BCAP31: variants seen among roughly 807,000 people sequenced by gnomAD.
The protein encoded by BCAP31 is B-cell receptor-associated protein 31.
For missense variants in BCAP31, 124 were observed against 193.0 expected (o/e 0.64, Z 2.12); for synonymous variants, 75 against 80.9 (o/e 0.93, Z 0.39).
intron 4 of BCAP31, among the ~76,000 whole-genome samples, chrX:153,709,090 T>TG (rs1324101797): frequency 8.9e-6 from 1 of 112,004 alleles, no homozygotes; most frequent in Admixed American, 9.4e-5. Context: ...GCTGGGTTTC[T>TG]GGGGTTTTGC....
chrX:153,711,151 T>C (rs73633765), intron 4 of BCAP31, among the ~76,000 whole-genome samples: 7,543 of 71,749 alleles, frequency 0.11, 634 homozygotes, highest in African/African-American at 0.34. Context: ...CAGAGCTCCC[T>C]TTCCAGCAGG....
chrX:153,723,669 C>T (rs1206928050), intron 1 of BCAP31: 7 of 1,157,426 alleles, frequency 6.0e-6, no homozygotes, highest in Non-Finnish European at 8.1e-6. Flanking sequence ...ACCCATCGGG[C>T]GCTCCCTTCC....
intron 4 of BCAP31, among the ~76,000 whole-genome samples, chrX:153,707,486 A>C (rs1267879004): frequency 9.0e-6 from 1 of 111,316 alleles, no homozygotes; most frequent in Admixed American, 9.5e-5. Context: ...GCTGCACGTA[A>C]GGCTGGACAG....
chrX:153,718,317 C>CAAAA (rs60097594), intron 3 of BCAP31, among the ~76,000 whole-genome samples: 5 of 30,486 alleles, frequency 1.6e-4, no homozygotes, highest in African/African-American at 3.1e-4. Context: ...GATTCCATCT[C>CAAAA]AAAAAAAAAA....
chrX:153,723,457 T>C, intron 1 of BCAP31, 169 bp from the exon 2 acceptor site: 1 of 1,139,955 alleles, frequency 8.8e-7, no homozygotes, highest in Non-Finnish European at 1.2e-6. Context: ...CAGGGCCTCT[T>C]GGCCAGCAGC....
intron 1 of BCAP31, chrX:153,723,644 G>A (rs1557051602): frequency 2.6e-6 from 3 of 1,163,930 alleles, no homozygotes; most frequent in Non-Finnish European, 3.4e-6. Context: ...GGCACCAAGA[G>A]GAGGACGCCT....
intron 4 of BCAP31, among the ~76,000 whole-genome samples, chrX:153,710,519 C>T (rs2091584232): frequency 8.9e-6 from 1 of 111,777 alleles, no homozygotes; most frequent in Admixed American, 9.4e-5. Flanking sequence ...GCAGAGCAGC[C>T]CCAGGCTTCT....
rs148285908 is a variant in BCAP31 at position 153,702,942 on chromosome X, A to T, written c.594T>A (p.Thr198=). The T allele has an allele frequency of 8.3e-7, 1 of 1,208,919 alleles. No homozygotes were observed. Among genetic ancestry groups the T allele is most frequent in the African/African-American group, 1.7e-5 (1 of 57,438 alleles). The change falls in exon 6 of 8, where the codon ACT becomes ACA. Residue 198 remains threonine (T), a synonymous_variant. Coordinates refer to ENST00000345046, the MANE Select transcript of BCAP31 (RefSeq NM_001256447.2). Reference sequence around the variant, plus strand: ...CACGAGGTCGAGCCTCACTTTGCTTAGTGCTGGCCAGCTCGTCCTTTAGCT... The same window carrying T: ...CACGAGGTCGAGCCTCACTTTGCTTTGTGCTGGCCAGCTCGTCCTTTAGCT... ...LQKLKDELAS[T]KQKLEKAENQ... is the part of the protein sequence containing the mutation.
chrX:153,703,621 T>C (rs1557047857), intron 5 of BCAP31, among the ~76,000 whole-genome samples: 1 of 112,772 alleles, frequency 8.9e-6, no homozygotes, highest in Admixed American at 9.3e-5. Context: ...TGCGGCAATC[T>C]TGCAGGGAAC....
intron 3 of BCAP31, among the ~76,000 whole-genome samples, chrX:153,717,032 A>C (rs1490226455): frequency 8.9e-6 from 1 of 112,604 alleles, no homozygotes; most frequent in African/African-American, 3.2e-5. Flanking sequence ...GTCACATTAC[A>C]CTGTTACCTG....
chrX:153,702,773 C>T (rs1270991867), intron 6 of BCAP31, among the ~76,000 whole-genome samples, 162 bp downstream of exon 6: 1 of 112,887 alleles, frequency 8.9e-6, no homozygotes, highest in Non-Finnish European at 1.9e-5. Context: ...AGCATGGCTG[C>T]ATTGGGGTTG....
Position 153,723,247 on chromosome X carries a change from T to G in BCAP31, c.-3A>C, listed in dbSNP as rs782585750. On this transcript the variant is annotated 5_prime_UTR_variant, in exon 2 of 8. Transcript: ENST00000345046. ...ACTGCAGTCCACTGCAGACTCATCCTGTTGCTAGAAGGTTTCCCACAGGAA... is the reference window on the plus strand; with the variant it reads ...ACTGCAGTCCACTGCAGACTCATCCGGTTGCTAGAAGGTTTCCCACAGGAA... 2 of 1,209,257 alleles carry G rather than the reference T, an allele frequency of 1.7e-6. No individual in the cohort carries two copies. Among genetic ancestry groups the G allele is most frequent in the Non-Finnish European group, 2.2e-6 (2 of 894,029 alleles).
chrX:153,718,913 C>G (rs551457488), intron 3 of BCAP31, among the ~76,000 whole-genome samples: 20 of 111,629 alleles, frequency 1.8e-4, no homozygotes, highest in Middle Eastern at 4.6e-3. Flanking sequence ...CTCCCCACCC[C>G]CAAGCAAGGC....
intron 4 of BCAP31, chrX:153,705,076 C>G (rs1557048113): frequency 8.9e-6 from 1 of 112,647 alleles, no homozygotes; most frequent in Admixed American, 9.3e-5. Flanking sequence ...TCTCACACAC[C>G]TCAGAAGGCA....
At chrX:153,710,368 T>A (rs782036161) in intron 4 of BCAP31, among the ~76,000 whole-genome samples, 1 of 108,987 alleles carries the variant, frequency 9.2e-6, no homozygotes, top group Admixed American at 9.5e-5. Flanking sequence ...TACAGGCTGT[T>A]TCATGGGTGG....
chrX:153,706,049 G>T (rs1440483696), intron 4 of BCAP31, among the ~76,000 whole-genome samples: 1 of 111,828 alleles, frequency 8.9e-6, no homozygotes, highest in Non-Finnish European at 1.9e-5. Context: ...TCCAGCGCAA[G>T]ATCCACGCTG....
Position 153,723,795 on chromosome X carries a change from G to A in BCAP31, c.-44-507C>T, listed in dbSNP as rs781865073. ...GCTGCCGACGCCCCCGCCTCCCACC[G>A]TCCCCACGGCGCCCGCGGAGAGAAA... is the stretch of plus-strand genomic sequence containing the variant. On this transcript the variant is annotated intron_variant, in intron 1 of 7. Coordinates refer to ENST00000345046, the MANE Select transcript of BCAP31 (RefSeq NM_001256447.2). The A allele has an allele frequency of 1.3e-4, 108 of 823,779 alleles. No homozygotes were observed. The African/African-American group carries it at 2.0e-3, about 15-fold the overall frequency. The allele number at this position is 823,779 out of a possible 1,213,427, so 67.9% of individuals were successfully genotyped here. A position where few individuals can be genotyped will look rare whatever the true frequency, so the allele number is the denominator to read the frequency against.
intron 1 of BCAP31, 39 bp from the exon 2 acceptor site, chrX:153,723,327 G>C: frequency 1.7e-6 from 2 of 1,164,100 alleles, no homozygotes; most frequent in Non-Finnish European, 1.1e-6. Context: ...GTAAGCGCTG[G>C]GCAGCCAAGA....
chrX:153,714,642 T>C (rs781794023), intron 4 of BCAP31, among the ~76,000 whole-genome samples: 39 of 110,908 alleles, frequency 3.5e-4, no homozygotes, highest in African/African-American at 1.2e-3. Flanking sequence ...CTCCTAGGCA[T>C]GGAGATTCTT....
Sources: allele counts gnomAD v4.1 joint callset (sites outside exome capture counted in the v4.1 genomes callset), GRCh38; gene constraint gnomAD v4.1.1; transcripts MANE v1.5; gene names NCBI Gene and HGNC (gene_info 2026-07-23, HGNC 2026-07-21).